The following RBFOX1 variants were observed in gnomAD, a reference collection of about 807,000 sequenced individuals.
RBFOX1 encodes RNA binding protein fox-1 homolog 1.
RBFOX1 carries 8 observed loss-of-function variants against 57.7 expected under a neutral mutation model. The observed-to-expected ratio is 0.14, with a 90% confidence interval of 0.08 to 0.25. The LOEUF is 0.25. Among genes scored for constraint, RBFOX1 ranks in the 10% least tolerant of loss-of-function variants. The pLI, the probability that RBFOX1 is intolerant of heterozygous loss-of-function variation, is 1.00. For missense variants in RBFOX1, 611 were observed against 548.5 expected (o/e 1.11, Z -1.14); for synonymous variants, 326 against 222.4 (o/e 1.47, Z -4.15).
At chr16:7,079,320 G>C (rs543975058) in intron 4 of RBFOX1, among the ~76,000 whole-genome samples, 4 of 152,278 alleles carry the variant, frequency 2.6e-5, no homozygotes, top group African/African-American at 9.6e-5. Context: ...GTTAAGAGGA[G>C]ACCAGTGCAT....
At chr16:6,333,617 T>C (rs1197113474) in intron 2 of RBFOX1, among the ~76,000 whole-genome samples, 1 of 152,214 alleles carries the variant, frequency 6.6e-6, no homozygotes, top group Non-Finnish European at 1.5e-5. Context: ...TGAAAAACTC[T>C]TAAAATTAAA....
intron 4 of RBFOX1, among the ~76,000 whole-genome samples, chr16:7,283,519 C>G (rs892165079): frequency 6.6e-6 from 1 of 151,964 alleles, no homozygotes; most frequent in Non-Finnish European, 1.5e-5. Flanking sequence ...GTTGACACTT[C>G]CATAACACCT....
intron 1 of RBFOX1, among the ~76,000 whole-genome samples, chr16:6,113,458 T>C (rs2152585364): frequency 6.6e-6 from 1 of 152,304 alleles, no homozygotes; most frequent in African/African-American, 2.4e-5. Flanking sequence ...TTCTGGGTGA[T>C]GAAAAGTGCA....
chr16:6,704,411 C>G (rs1013178035), intron 3 of RBFOX1: 1 of 152,294 alleles, frequency 6.6e-6, no homozygotes, highest in African/African-American at 2.4e-5. Flanking sequence ...CTGTCCTGAG[C>G]TTGCTGCTCA....
chr16:5,459,462 G>A (rs527577760), intron 1 of RBFOX1, among the ~76,000 whole-genome samples: 24 of 152,122 alleles, frequency 1.6e-4, no homozygotes, highest in East Asian at 1.6e-3. Flanking sequence ...CCATGCTTCC[G>A]TTTAGACCTC....
chr16:6,988,747 GTTT>G (rs1568246365), intron 3 of RBFOX1, among the ~76,000 whole-genome samples: 1 of 101,386 alleles, frequency 9.9e-6, no homozygotes, highest in Admixed American at 1.0e-4. Context: ...TTTTTTGTTT[GTTT>G]GTTTTTTGTT....
At chr16:5,571,407 G>T (rs901561461) in intron 2 of RBFOX1, among the ~76,000 whole-genome samples, 1 of 151,536 alleles carries the variant, frequency 6.6e-6, no homozygotes, top group Admixed American at 6.6e-5. Flanking sequence ...TAGAGATGGG[G>T]TTTCACCCTG....
At chr16:6,747,676 C>T (rs1449542312) in intron 3 of RBFOX1, among the ~76,000 whole-genome samples, 2 of 152,098 alleles carry the variant, frequency 1.3e-5, no homozygotes, top group African/African-American at 2.4e-5. Flanking sequence ...CTACTATGTC[C>T]TTCTGATTGC....
intron 3 of RBFOX1, among the ~76,000 whole-genome samples, chr16:6,802,978 C>T (rs1470681460): frequency 3.3e-5 from 5 of 152,146 alleles, no homozygotes; most frequent in African/African-American, 7.2e-5. Context: ...TTTATTTTCT[C>T]CTTTTCTAAT....
chr16:6,852,104 G>A (rs2094104151), intron 3 of RBFOX1, among the ~76,000 whole-genome samples: 1 of 151,938 alleles, frequency 6.6e-6, no homozygotes, highest in Admixed American at 6.6e-5. Flanking sequence ...AGATGTGGTG[G>A]CTTAAAATGA....
chr16:6,968,813 G>C (rs949092645), intron 3 of RBFOX1, among the ~76,000 whole-genome samples: 2 of 150,408 alleles, frequency 1.3e-5, no homozygotes, highest in Non-Finnish European at 1.5e-5. Flanking sequence ...ATTAATCCAG[G>C]TTTTTTTGTT....
intron 1 of RBFOX1, among the ~76,000 whole-genome samples, chr16:6,295,360 G>A (rs7187481): frequency 0.61 from 93,381 of 151,938 alleles, 29,861 homozygotes; most frequent in East Asian, 0.81. Context: ...CCTTGACCTT[G>A]TGATCTGTCC....
chr16:6,159,939 G>A (rs1463112990), intron 1 of RBFOX1, among the ~76,000 whole-genome samples: 1 of 152,138 alleles, frequency 6.6e-6, no homozygotes, highest in Admixed American at 6.5e-5. Context: ...TTTAATAACT[G>A]TGAGACATAG....
At chr16:5,683,442 G>C (rs1003557271) in intron 3 of RBFOX1, among the ~76,000 whole-genome samples, 35 of 152,140 alleles carry the variant, frequency 2.3e-4, no homozygotes, top group Admixed American at 7.9e-4. Flanking sequence ...GTCGCCAAAA[G>C]AGATGAACAT....
chr16:6,460,925 TA>T (rs1235766660), intron 2 of RBFOX1, among the ~76,000 whole-genome samples: 1 of 151,342 alleles, frequency 6.6e-6, no homozygotes, highest in Non-Finnish European at 1.5e-5. Context: ...TATGCAGCCA[TA>T]AAAAGGACTG....
intron 4 of RBFOX1, among the ~76,000 whole-genome samples, chr16:5,956,914 C>G (rs1301371852): frequency 6.6e-6 from 1 of 151,278 alleles, no homozygotes; most frequent in African/African-American, 2.4e-5. Context: ...AGCAATCCAT[C>G]TGCCTTGGCA....
Position 5,315,350 on chromosome 16 carries a change from C to T in RBFOX1, c.219+75245C>T, listed in dbSNP as rs929202939. On this transcript the variant is annotated intron_variant, in intron 1 of 2. Coordinates refer to the RBFOX1 transcript ENST00000585867. ...TATTGCCCCACAGGCCACGTAATCA[C>T]CGGTGATTAAATGGAGACAGGGATG... 4.6e-5 allele frequency among the ~76,000 whole-genome samples: 7 copies of T among 152,150 alleles called. No homozygotes were observed. In the South Asian group the frequency reaches 6.2e-4, roughly 14 times the overall value.
chr16:5,768,696 C>T (rs1470822142), intron 3 of RBFOX1, among the ~76,000 whole-genome samples: 1 of 152,098 alleles, frequency 6.6e-6, no homozygotes, highest in African/African-American at 2.4e-5. Flanking sequence ...GCGGATGATT[C>T]TGAGCCCAGC....
At chr16:7,150,776 C>T (rs929425281) in intron 4 of RBFOX1, among the ~76,000 whole-genome samples, 7 of 152,168 alleles carry the variant, frequency 4.6e-5, no homozygotes, top group Admixed American at 2.0e-4. Context: ...TTCACTGCAG[C>T]ATTTGTGGGT....
Sources: gnomAD v4.1 joint callset for allele counts (sites outside exome capture counted in the v4.1 genomes callset) on GRCh38, gnomAD v4.1.1 for gene constraint, MANE v1.5 for transcripts, NCBI Gene and HGNC (gene_info 2026-07-23, HGNC 2026-07-21) for gene names.